Variants in GRID2 observed in about 807,000 individuals in gnomAD.
The protein encoded by GRID2 is glutamate receptor ionotropic, delta-2.
A neutral mutation model predicts 114.8 loss-of-function variants in GRID2; 33 were observed. That is an observed-to-expected ratio of 0.29 (90% CI 0.22 to 0.38). GRID2 has a LOEUF of 0.38. Among genes scored for constraint, GRID2 ranks in the 10% least tolerant of loss-of-function variants. The pLI, the probability that GRID2 is intolerant of heterozygous loss-of-function variation, is 1.00. For synonymous variants in GRID2, 505 were observed against 449.9 expected, an observed-to-expected ratio of 1.12 and a Z score of -1.55; for missense variants, 1,184 against 1,257.7, an observed-to-expected ratio of 0.94 and a Z score of 0.89.
intron 2 of GRID2, among the ~76,000 whole-genome samples, chr4:92,680,501 A>C (rs1010337876): frequency 5.9e-5 from 9 of 152,176 alleles, no homozygotes; most frequent in Admixed American, 1.3e-4. Flanking sequence ...TCTCCCCCAA[A>C]AACAAGCAGT....
At chr4:93,386,773 C>CAAGTACT (rs1374541872) in intron 8 of GRID2, among the ~76,000 whole-genome samples, 2 of 152,034 alleles carry the variant, frequency 1.3e-5, no homozygotes, top group East Asian at 3.9e-4. Flanking sequence ...GGGAAAGTAC[C>CAAGTACT]AAGTACTAAG....
Position 93,216,768 on chromosome 4 carries a change from G to C in GRID2, c.820G>C (p.Val274Leu). Reference sequence around the variant, plus strand: ...AAACGATGTGGACGTACAGGAACTTGTAAGAAGGTCAATTGGAAGGTTAAC... The same window carrying C: ...AAACGATGTGGACGTACAGGAACTTCTAAGAAGGTCAATTGGAAGGTTAAC... Reference protein sequence around the residue: ...EINDVDVQELVRRSIGRLTII... With the variant: ...EINDVDVQELLRRSIGRLTII... The change falls in exon 6 of 16, where the codon GTA becomes CTA. Residue 274 changes from valine to leucine, a missense_variant. Around this residue, in one of 3 missense-constraint regions of GRID2, gnomAD observed 455 missense variants for 429.5 expected, o/e 1.06. Transcript: ENST00000282020. 6.2e-7 allele frequency: 1 copy of C among 1,612,044 alleles called. No homozygotes were observed. The highest frequency in any genetic ancestry group is 8.5e-7 in the Non-Finnish European group (1 of 1,178,312).
rs192290390 is a variant in GRID2, at chr4:92,468,066, C to T, written c.89-122065C>T. Among the ~76,000 whole-genome samples the T allele has an allele frequency of 6.6e-3, 998 of 151,874 alleles. 10 individuals are homozygous for T. Among genetic ancestry groups the T allele is most frequent in the African/African-American group, 0.022 (917 of 41,446 alleles). On this transcript the variant is annotated intron_variant, in intron 1 of 15. Coordinates refer to ENST00000282020, the MANE Select transcript of GRID2 (RefSeq NM_001510.4). Reference sequence around the variant, plus strand: ...TGAACCTAGACTGTGTCACTTTTTTCCATACTAAGAGGGATGCTATCTCAT... The same window carrying T: ...TGAACCTAGACTGTGTCACTTTTTTTCATACTAAGAGGGATGCTATCTCAT...
At chr4:93,488,317 T>C (rs1726615815) in intron 11 of GRID2, among the ~76,000 whole-genome samples, 2 of 151,970 alleles carry the variant, frequency 1.3e-5, no homozygotes, top group South Asian at 2.1e-4. Flanking sequence ...GTATCTAAAA[T>C]GCATTGTAAC....
chr4:93,627,854 C>T (rs2149692565), intron 14 of GRID2, among the ~76,000 whole-genome samples: 1 of 152,202 alleles, frequency 6.6e-6, no homozygotes, highest in Non-Finnish European at 1.5e-5. Context: ...TAAATGTACC[C>T]CACATATAGG....
chr4:92,700,886 G>A (rs1734641556), intron 2 of GRID2, among the ~76,000 whole-genome samples: 1 of 151,930 alleles, frequency 6.6e-6, no homozygotes, highest in African/African-American at 2.4e-5. Flanking sequence ...CAGCTACGCG[G>A]GAGGCTGAGA....
chr4:93,241,986 G>A (rs546064989), intron 8 of GRID2, among the ~76,000 whole-genome samples: 1 of 151,890 alleles, frequency 6.6e-6, no homozygotes, highest in East Asian at 1.9e-4. Flanking sequence ...TACAGTAGGG[G>A]AAAAGAGAGG....
chr4:92,673,513 C>G (rs756277492), intron 2 of GRID2, among the ~76,000 whole-genome samples: 3 of 152,156 alleles, frequency 2.0e-5, no homozygotes, highest in Non-Finnish European at 2.9e-5. Context: ...TTTCCCTCTA[C>G]GCTTAAGGAG....
At chr4:93,603,471 A>G (rs1251129709) in intron 13 of GRID2, among the ~76,000 whole-genome samples, 2 of 152,252 alleles carry the variant, frequency 1.3e-5, no homozygotes, top group African/African-American at 4.8e-5. Flanking sequence ...CCATAAAATG[A>G]AAGTGCAAAA....
intron 12 of GRID2, among the ~76,000 whole-genome samples, chr4:93,502,387 A>C (rs1283108132): frequency 6.6e-6 from 1 of 152,022 alleles, no homozygotes; most frequent in Non-Finnish European, 1.5e-5. Flanking sequence ...TACCAATGAG[A>C]TATCTTAATA....
At chr4:92,933,020 T>A (rs969898561) in intron 2 of GRID2, among the ~76,000 whole-genome samples, 2 of 151,158 alleles carry the variant, frequency 1.3e-5, no homozygotes, top group African/African-American at 4.8e-5. Flanking sequence ...CATAGGCTTA[T>A]AATACAATTA....
At chr4:93,683,422 G>A (rs1725779542) in intron 14 of GRID2, among the ~76,000 whole-genome samples, 2 of 152,090 alleles carry the variant, frequency 1.3e-5, no homozygotes, top group Non-Finnish European at 2.9e-5. Context: ...ATGATCCTAT[G>A]AGCCTAGGAA....
chr4:93,030,331 G>A (rs1266643814), intron 2 of GRID2, among the ~76,000 whole-genome samples: 10 of 151,554 alleles, frequency 6.6e-5, no homozygotes, highest in Admixed American at 6.6e-4. Context: ...CCCTGCTTGA[G>A]GCAGTGAGGA....
At chr4:93,066,804 C>G (rs1728335026) in intron 2 of GRID2, among the ~76,000 whole-genome samples, 1 of 151,886 alleles carries the variant, frequency 6.6e-6, no homozygotes, top group African/African-American at 2.4e-5. Flanking sequence ...CAGCATTGCT[C>G]TTGCACTTTG....
chr4:92,794,905 T>TATATATATATATATATACACACAC (rs745392261), intron 2 of GRID2, among the ~76,000 whole-genome samples: 29 of 127,786 alleles, frequency 2.3e-4, no homozygotes, highest in African/African-American at 8.0e-4. Flanking sequence ...TATATATATA[T>TATATATATATATATATACACACAC]ACACACACAC....
chr4:93,627,847 A>G (rs145444339), intron 14 of GRID2, among the ~76,000 whole-genome samples: 191 of 152,300 alleles, frequency 1.3e-3, no homozygotes, highest in African/African-American at 4.0e-3. Flanking sequence ...GAGTGGGTAA[A>G]TGTACCCCAC....
At chr4:93,217,663 T>G (rs1266552434) in intron 6 of GRID2, among the ~76,000 whole-genome samples, 2 of 151,918 alleles carry the variant, frequency 1.3e-5, no homozygotes, top group East Asian at 3.9e-4. Context: ...GGAGCCCTCT[T>G]AAGCAAGAGA....
intron 3 of GRID2, among the ~76,000 whole-genome samples, chr4:93,090,729 G>A (rs186940828): frequency 6.6e-6 from 1 of 152,218 alleles, no homozygotes; most frequent in African/African-American, 2.4e-5. Flanking sequence ...CAAATCATGT[G>A]TCTTCAGAAG....
intron 4 of GRID2, among the ~76,000 whole-genome samples, chr4:93,117,825 G>A (rs1366618038): frequency 1.3e-5 from 2 of 152,108 alleles, no homozygotes; most frequent in Admixed American, 1.3e-4. Flanking sequence ...TGTTGGCCAC[G>A]AGTTCAATGT....
Sources: allele counts gnomAD v4.1 joint callset (sites outside exome capture counted in the v4.1 genomes callset), GRCh38; gene constraint gnomAD v4.1.1; regional missense constraint gnomAD v4.1.1; transcripts MANE v1.5; gene names NCBI Gene and HGNC (gene_info 2026-07-23, HGNC 2026-07-21).